Variants in SPART observed in about 807,000 individuals in gnomAD.
SPART encodes spastic paraplegia 20 (Troyer syndrome).
SPART carries 35 observed loss-of-function variants against 58.7 expected under a neutral mutation model. The observed-to-expected ratio is 0.60, with a 90% CI of 0.46 to 0.79. The LOEUF (loss-of-function observed/expected upper bound fraction) is 0.79, where lower values mean the gene tolerates loss of function less well. SPART is among the 30% of genes least tolerant of loss of function. The probability of loss-of-function intolerance (pLI) is 0.00; values close to 1 mark genes in which losing one functional copy is unlikely to be tolerated. For missense variants in SPART, 730 were observed against 786.1 expected, an observed-to-expected ratio of 0.93 and a Z score of 0.85; for synonymous variants, 284 against 280.7, an observed-to-expected ratio of 1.01 and a Z score of -0.12.
intron 5 of SPART, among the ~76,000 whole-genome samples, chr13:36,319,167 T>A (rs562552043): frequency 6.5e-4 from 97 of 149,216 alleles, no homozygotes; most frequent in African/African-American, 1.9e-3. Context: ...TTTTAAGCAC[T>A]CCTTTTTAGT....
At chr13:36,357,889 G>C (rs1885683183) in intron 1 of SPART, among the ~76,000 whole-genome samples, 1 of 152,098 alleles carries the variant, frequency 6.6e-6, no homozygotes, top group Non-Finnish European at 1.5e-5. Flanking sequence ...ATTGTCTTGG[G>C]AGAATTCCCA....
At chr13:36,348,235 A>C (rs1050268314), upstream of SPART, among the ~76,000 whole-genome samples, 1 of 152,186 alleles carries the variant, frequency 6.6e-6, no homozygotes, top group African/African-American at 2.4e-5. Flanking sequence ...GCAGTGACTG[A>C]GATTGTGCCA....
At chr13:36,345,364 C>A (rs771758003) in intron 1 of SPART, among the ~76,000 whole-genome samples, 5 of 152,184 alleles carry the variant, frequency 3.3e-5, no homozygotes, top group Non-Finnish European at 5.9e-5. Context: ...AACTGCGAAT[C>A]AGAAAATAAT....
chr13:36,306,413 C>T (rs1435671733), intron 8 of SPART, among the ~76,000 whole-genome samples: 2 of 152,042 alleles, frequency 1.3e-5, no homozygotes, highest in East Asian at 1.9e-4. Context: ...TTGGTGGAGC[C>T]GGTTTCCCTG....
In SPART at chr13:36,314,395, C is replaced by A. The variant is rs762711551; in HGVS notation, c.1315G>T (p.Val439Phe). ...SGASWVSWGL[V>F]KGAEITGKAI... is the part of the protein sequence containing the mutation. ...TTACCAGTAATCTCAGCACCTTTGA[C>A]TAAACCCCAACTCACCCAGGAAGCA... The change falls in exon 6 of 9, where the codon GTC becomes TTC. Residue 439 changes from valine (V) to phenylalanine (F), a missense_variant. Physicochemically the swap from Val to Phe is conservative, Grantham distance 50. Transcript: ENST00000438666. The A allele has an allele frequency of 6.2e-7, 1 of 1,614,116 alleles. No homozygotes were observed. The highest frequency in any genetic ancestry group is 1.1e-5 in the South Asian group (1 of 91,074).
intron 4 of SPART, among the ~76,000 whole-genome samples, chr13:36,327,856 T>C (rs1449038611): frequency 1.3e-5 from 2 of 152,154 alleles, no homozygotes; most frequent in African/African-American, 4.8e-5. Context: ...TAGCCGGGCA[T>C]GGTGGCAGGC....
At chr13:36,306,102 G>A (rs1197920010) in intron 8 of SPART, among the ~76,000 whole-genome samples, 1 of 152,134 alleles carries the variant, frequency 6.6e-6, no homozygotes, top group Non-Finnish European at 1.5e-5. Context: ...ATTAGAGCTA[G>A]CACACAGCAG....
At chr13:36,314,104 T>C (rs1881418185) in intron 6 of SPART, 123 bp downstream of exon 6, 2 of 988,436 alleles carry the variant, frequency 2.0e-6, no homozygotes, top group East Asian at 2.6e-5. Context: ...AAAGAGAAAC[T>C]GCTTTGTCCT....
At position 36,368,798 on chromosome 13, in the gene SPART, G is replaced by A. The variant is rs7997877; in HGVS notation, c.-3+1291C>T. 5.4e-3 allele frequency among the ~76,000 whole-genome samples: 820 copies of A among 152,178 alleles called. 5 individuals are homozygous for A. Among genetic ancestry groups the A allele is most frequent in the African/African-American group, 0.018 (765 of 41,516 alleles). ...GTGGGCTGTTCATGATCTGGAGATC[G>A]AGACCATCTGGCCAACATGGTGAAA... is the stretch of plus-strand genomic sequence containing the variant. On this transcript the variant is annotated intron_variant, in intron 1 of 8. Coordinates refer to the SPART transcript ENST00000355182.
chr13:36,368,701 T>A (rs959777098), intron 1 of SPART, among the ~76,000 whole-genome samples: 18 of 152,190 alleles, frequency 1.2e-4, no homozygotes, highest in East Asian at 3.9e-4. Flanking sequence ...AGCACAAATA[T>A]AACAATTTAA....
rs1045122510 is a variant in SPART, at chr13:36,303,343, T to C, written c.*1022A>G. On this transcript the variant is annotated 3_prime_UTR_variant, in exon 9 of 9. Transcript: ENST00000438666. ...TAGTTTTTTAGCCTATGTAAGTAAATAGGGCTGTGAATAGTCTGCCTTCTG... is the reference window on the plus strand; with the variant it reads ...TAGTTTTTTAGCCTATGTAAGTAAACAGGGCTGTGAATAGTCTGCCTTCTG... 3 of 152,150 alleles carry C rather than the reference T, an allele frequency of 2.0e-5. No individual in the cohort carries two copies. Among genetic ancestry groups the C allele is most frequent in the African/African-American group, 4.8e-5 (2 of 41,456 alleles). The allele number at this position is 152,150 out of a possible 1,614,324, so 9.4% of individuals were successfully genotyped here.
chr13:36,332,755 T>C (rs1422106397), intron 2 of SPART, among the ~76,000 whole-genome samples: 1 of 152,226 alleles, frequency 6.6e-6, no homozygotes, highest in African/African-American at 2.4e-5. Flanking sequence ...TCTAATGCAA[T>C]ACATTCTTTG....
chr13:36,332,117 C>G (rs1018251165), intron 2 of SPART, among the ~76,000 whole-genome samples: 2 of 152,084 alleles, frequency 1.3e-5, no homozygotes, highest in African/African-American at 4.8e-5. Context: ...TCGCCCAGAA[C>G]CAACAACTAA....
chr13:36,345,245 C>T (rs925425364), intron 1 of SPART, among the ~76,000 whole-genome samples: 5 of 152,176 alleles, frequency 3.3e-5, no homozygotes, highest in Non-Finnish European at 5.9e-5. Flanking sequence ...TAGACAACGA[C>T]GTTTCAGAGA....
chr13:36,337,471 AGT>A (rs1399618269), intron 1 of SPART, among the ~76,000 whole-genome samples: 1 of 152,220 alleles, frequency 6.6e-6, no homozygotes, highest in Non-Finnish European at 1.5e-5. Context: ...TTCTCCTGAT[AGT>A]GAGTTCTCAC....
chr13:36,314,623 T>C (rs2137338354), intron 5 of SPART, among the ~76,000 whole-genome samples: 1 of 152,354 alleles, frequency 6.6e-6, no homozygotes, highest in South Asian at 2.1e-4. Context: ...CGTTACTCTA[T>C]GCTGCCACTA....
At chr13:36,351,251 C>T (rs916671241), upstream of SPART, among the ~76,000 whole-genome samples, 3 of 151,634 alleles carry the variant, frequency 2.0e-5, no homozygotes, top group African/African-American at 4.8e-5. Context: ...AGAAGGATCA[C>T]TTGAGACCAG....
At position 36,335,841 on chromosome 13, in the gene SPART, T is replaced by C. The variant is rs1247748229; in HGVS notation, c.-2-9A>G. 8 of 1,600,116 alleles carry C rather than the reference T, an allele frequency of 5.0e-6. No homozygotes were observed. The highest frequency in any genetic ancestry group is 2.2e-5 in the South Asian group (2 of 90,800). ...TGGCTCTTGCTCCATTTCTGCAAAA[T>C]TGGAGACATATTTAATTATCTTGCT... On this transcript the variant is annotated splice_polypyrimidine_tract_variant and intron_variant, in intron 1 of 8. Transcript: ENST00000438666.
upstream of SPART, among the ~76,000 whole-genome samples, chr13:36,350,223 G>A (rs1223781597): frequency 2.0e-5 from 3 of 152,138 alleles, no homozygotes; most frequent in Admixed American, 6.5e-5. Context: ...GGGCTTCCCC[G>A]AATTCCTTAG....
Sources: gnomAD v4.1 joint callset for allele counts (sites outside exome capture counted in the v4.1 genomes callset) on GRCh38, gnomAD v4.1.1 for gene constraint, MANE v1.5 for transcripts, NCBI Gene and HGNC (gene_info 2026-07-23, HGNC 2026-07-21) for gene names.